PRSS57: variants seen among roughly 807,000 people sequenced by gnomAD.
PRSS57 encodes neutrophil serine protease 4.
In PRSS57, 19 loss-of-function variants were observed where a neutral mutation model predicts 20.6. The ratio of observed to expected loss-of-function variants is 0.92; its 90% CI spans 0.64 to 1.35. PRSS57 has a LOEUF of 1.35. Among genes scored for constraint, PRSS57 ranks in the 40% most tolerant of loss-of-function variants. The probability of loss-of-function intolerance (pLI) is 0.00; values close to 1 mark genes in which losing one functional copy is unlikely to be tolerated. For synonymous variants in PRSS57, 203 were observed against 176.6 expected (o/e 1.15, Z -1.19); for missense variants, 440 against 403.7 (o/e 1.09, Z -0.77).
At chr19:692,285 C>T (rs1270334689) in intron 2 of PRSS57, among the ~76,000 whole-genome samples, 1 of 151,748 alleles carries the variant, frequency 6.6e-6, no homozygotes. Flanking sequence ...AGGAGAATTG[C>T]TTGAGCCTGG....
chr19:692,347 C>T (rs62131271), intron 2 of PRSS57, among the ~76,000 whole-genome samples: 15,252 of 150,350 alleles, frequency 0.1, 865 homozygotes, highest in Admixed American at 0.14. Context: ...CCAGCCTGAG[C>T]GACAGAACAA....
chr19:686,133 G>C (rs1164198261), intron 4 of PRSS57, among the ~76,000 whole-genome samples: 1 of 152,056 alleles, frequency 6.6e-6, no homozygotes, highest in Non-Finnish European at 1.5e-5. Context: ...CACGGCCTTT[G>C]TATAGCCTGG....
intron 3 of PRSS57, among the ~76,000 whole-genome samples, chr19:690,089 G>A (rs2031599395): frequency 6.7e-6 from 1 of 148,908 alleles, no homozygotes; most frequent in Non-Finnish European, 1.5e-5. Flanking sequence ...GAGGTGGGCG[G>A]ATCACGAGGT....
chr19:688,035 C>T (rs1382075547), intron 3 of PRSS57, among the ~76,000 whole-genome samples: 1 of 152,244 alleles, frequency 6.6e-6, no homozygotes, highest in African/African-American at 2.4e-5. Flanking sequence ...CCGGTTTACC[C>T]AGTGAAGACT....
At chr19:690,945 G>C in intron 3 of PRSS57, 2 of 475,504 alleles carry the variant, frequency 4.2e-6, no homozygotes, top group Non-Finnish European at 8.0e-6. Flanking sequence ...TCAAGAAGCT[G>C]CTCATGATGG....
At chr19:693,377 A>G (rs2031703442) in intron 2 of PRSS57, among the ~76,000 whole-genome samples, 1 of 151,662 alleles carries the variant, frequency 6.6e-6, no homozygotes, top group Non-Finnish European at 1.5e-5. Context: ...ACAGAAGCAC[A>G]GCTCCGGTGC....
In PRSS57 at chr19:691,972, G is replaced by A. The variant is rs182506087; in HGVS notation, c.264C>T (p.Gly88=). The part of the protein sequence containing the change: ...RDLRTGLVVL[G]AHVLSTAEPT... ...GCTCCGCAGTACTCAGGACGTGGGC[G>A]CCCAGCACCACCAGGCCAGTGCGGA... Residue 88 remains glycine, a synonymous_variant, in exon 3 of 5, where the codon GGC becomes GGT. Coordinates refer to ENST00000329267, the MANE Select transcript of PRSS57 (RefSeq NM_001308209.2). The A allele has an allele frequency of 2.4e-4, 315 of 1,326,664 alleles. No homozygotes were observed. Among genetic ancestry groups the A allele is most frequent in the Admixed American group, 2.4e-3 (77 of 32,496 alleles). 82.2% of individuals were successfully genotyped at this position (1,326,664 alleles called of 1,614,324 possible).
In PRSS57 at chr19:692,429, T is replaced by TTTTTC. The variant is rs201769380; in HGVS notation, c.234-428_234-427insGAAAA. On this transcript the variant is annotated intron_variant, in intron 2 of 4. Transcript: ENST00000329267. Reference sequence around the variant, plus strand: ...ACTTAATATTCTTTTCCTTTTTTCTTTTTTTTTTTTTTTGAGACAGAGTCT... The same window carrying TTTTTC: ...ACTTAATATTCTTTTCCTTTTTTCTTTTTTCTTTTTTTTTTTTTGAGACAGAGTCT... 7.9e-4 allele frequency among the ~76,000 whole-genome samples: 52 copies of TTTTTC among 65,804 alleles called. 3 individuals carry two copies. The highest frequency in any genetic ancestry group is 1.4e-3 in the Non-Finnish European group (30 of 21,976). The allele number at this position is 65,804 out of a possible 152,430, so 43.2% of individuals were successfully genotyped here.
chr19:688,168 T>C lies in PRSS57; in HGVS notation c.379-980A>G, dbSNP rs10425844. Among the ~76,000 whole-genome samples, 1,464 of 152,266 alleles carry C rather than the reference T, an allele frequency of 9.6e-3. 27 individuals carry two copies. Among genetic ancestry groups the C allele is most frequent in the African/African-American group, 0.033 (1,385 of 41,552 alleles). On this transcript the variant is annotated intron_variant, in intron 3 of 4. Coordinates refer to ENST00000329267, the MANE Select transcript of PRSS57 (RefSeq NM_001308209.2). ...GGACGGCTCCAATCCCTGTCTCTGG[T>C]TCTCTGATTTGTGCGTCTTGGGTTC... is the stretch of plus-strand genomic sequence containing the variant.
chr19:687,988 C>T (rs1281612605), intron 3 of PRSS57, among the ~76,000 whole-genome samples: 2 of 152,222 alleles, frequency 1.3e-5, no homozygotes, highest in Non-Finnish European at 2.9e-5. Context: ...CAGGCTGGCA[C>T]GTGAGTCTTC....
In PRSS57 at chr19:694,955, G is replaced by C; in HGVS notation, c.92C>G (p.Ala31Gly). 2 of 1,559,000 alleles carry C rather than the reference G, an allele frequency of 1.3e-6. No individual in the cohort carries two copies. The highest frequency in any genetic ancestry group is 1.7e-6 in the Non-Finnish European group (2 of 1,153,500). Residue 31 changes from alanine (A) to glycine (G), a missense_variant, in exon 2 of 5, where the codon GCC becomes GGC. Transcript: ENST00000329267. ...CACCTCGTGGCCCCCGATGATCTGG[G>C]CCCCCCAGGAGCCTGCTGGAGGGAC... ...LPVKPPGSWG[A>G]QIIGGHEVTP...
At chr19:688,593 A>G (rs894792552) in intron 3 of PRSS57, among the ~76,000 whole-genome samples, 1 of 107,422 alleles carries the variant, frequency 9.3e-6, no homozygotes, top group Non-Finnish European at 1.9e-5. Flanking sequence ...GGAGGACTCC[A>G]CCCAGGGACT....
At chr19:690,309 G>GAA (rs386388337) in intron 3 of PRSS57, 83,656 of 143,260 alleles carry the variant, frequency 0.58, 24,701 homozygotes, top group Non-Finnish European at 0.62. Context: ...GATACTGTCT[G>GAA]AAAAAAAAAA....
chr19:688,990 G>A (rs1222162788), intron 3 of PRSS57, among the ~76,000 whole-genome samples: 1 of 152,200 alleles, frequency 6.6e-6, no homozygotes, highest in East Asian at 1.9e-4. Flanking sequence ...AGCGCCTGCT[G>A]TGTGCCATAA....
chr19:688,674 C>T (rs2031545813), intron 3 of PRSS57, among the ~76,000 whole-genome samples: 1 of 151,006 alleles, frequency 6.6e-6, no homozygotes. Context: ...TCTCGGCTCA[C>T]GGCAACCTCT....
intron 2 of PRSS57, among the ~76,000 whole-genome samples, chr19:692,794 T>C (rs1034421290): frequency 1.2e-4 from 19 of 152,052 alleles, no homozygotes; most frequent in African/African-American, 2.2e-4. Context: ...TTAACTGCAA[T>C]AGTTGTGGTA....
At chr19:687,598 G>T (rs993436527) in intron 3 of PRSS57, among the ~76,000 whole-genome samples, 2 of 152,012 alleles carry the variant, frequency 1.3e-5, no homozygotes, top group Non-Finnish European at 2.9e-5. Context: ...TAGAGACGGG[G>T]TTTCACCCTG....
chr19:694,000 A>G (rs1457881989), intron 2 of PRSS57, among the ~76,000 whole-genome samples: 3 of 152,062 alleles, frequency 2.0e-5, no homozygotes, highest in African/African-American at 7.2e-5. Flanking sequence ...TCGGCCTCCC[A>G]AAGTGCTGGG....
At chr19:693,226 C>T (rs1427437210) in intron 2 of PRSS57, among the ~76,000 whole-genome samples, 3 of 107,726 alleles carry the variant, frequency 2.8e-5, no homozygotes, top group East Asian at 2.6e-4. Context: ...CCACCGCACC[C>T]GGCCTTTTTT....
Sources: gnomAD v4.1 joint callset for allele counts (sites outside exome capture counted in the v4.1 genomes callset) on GRCh38, gnomAD v4.1.1 for gene constraint, MANE v1.5 for transcripts, NCBI Gene and HGNC (gene_info 2026-07-23, HGNC 2026-07-21) for gene names.